CMTM4: variants seen among roughly 807,000 people sequenced by gnomAD.
CMTM4 encodes CKLF-like MARVEL transmembrane domain-containing protein 4.
A neutral mutation model predicts 19.0 loss-of-function variants in CMTM4; 8 were observed. That is an observed-to-expected ratio of 0.42 (90% CI 0.25 to 0.76). The LOEUF (loss-of-function observed/expected upper bound fraction) is 0.76, where lower values mean the gene tolerates loss of function less well. CMTM4 is among the 30% of genes least tolerant of loss of function. The probability of loss-of-function intolerance (pLI) is 0.27; values close to 1 mark genes in which losing one functional copy is unlikely to be tolerated. For synonymous variants in CMTM4, 106 were observed against 121.1 expected, an observed-to-expected ratio of 0.88 and a Z score of 0.82; for missense variants, 228 against 290.2, an observed-to-expected ratio of 0.79 and a Z score of 1.56.
intron 1 of CMTM4, among the ~76,000 whole-genome samples, chr16:66,658,992 G>A (rs1252799853): frequency 6.6e-6 from 1 of 152,136 alleles, no homozygotes; most frequent in Non-Finnish European, 1.5e-5. Context: ...ACCTGAGACA[G>A]CTTCTTTTCA....
intron 1 of CMTM4, among the ~76,000 whole-genome samples, chr16:66,679,132 A>G (rs545604551): frequency 2.1e-3 from 325 of 152,046 alleles, no homozygotes; most frequent in Non-Finnish European, 3.5e-3. Context: ...TAATATCTAC[A>G]AACAAGTTAA....
intron 1 of CMTM4, among the ~76,000 whole-genome samples, chr16:66,695,264 T>G (rs2017210837): frequency 6.6e-6 from 1 of 152,138 alleles, no homozygotes; most frequent in African/African-American, 2.4e-5. Context: ...AGAAGATCGC[T>G]TGAGCCTGGG....
intron 1 of CMTM4, among the ~76,000 whole-genome samples, chr16:66,658,088 GA>G (rs2016430678): frequency 6.6e-6 from 1 of 152,086 alleles, no homozygotes; most frequent in East Asian, 1.9e-4. Flanking sequence ...AAATTAGCTG[GA>G]CGTTGTGATA....
intron 1 of CMTM4, among the ~76,000 whole-genome samples, chr16:66,676,709 T>C (rs2016816676): frequency 1.3e-5 from 2 of 152,172 alleles, no homozygotes; most frequent in Non-Finnish European, 2.9e-5. Context: ...TGTGACTTGT[T>C]CCAAACTTCC....
At chr16:66,669,223 T>C (rs1010377157) in intron 1 of CMTM4, among the ~76,000 whole-genome samples, 2 of 152,172 alleles carry the variant, frequency 1.3e-5, no homozygotes, top group African/African-American at 4.8e-5. Context: ...AAAGACAGTC[T>C]TAAAAGTACA....
intron 1 of CMTM4, among the ~76,000 whole-genome samples, chr16:66,685,771 G>A (rs757022243): frequency 2.6e-5 from 4 of 152,160 alleles, no homozygotes; most frequent in Non-Finnish European, 4.4e-5. Context: ...AGCCTCCTGA[G>A]TTGCTGGGAC....
intron 1 of CMTM4, among the ~76,000 whole-genome samples, chr16:66,670,967 G>A (rs572968149): frequency 6.6e-6 from 1 of 152,256 alleles, no homozygotes; most frequent in South Asian, 2.1e-4. Flanking sequence ...TCTAGCTGAG[G>A]AGAACACCAG....
chr16:66,618,827 C>T lies in CMTM4; in HGVS notation c.*3231G>A, dbSNP rs1490155820. 3.0e-6 allele frequency: 3 copies of T among 985,400 alleles called. No homozygotes were observed. Among genetic ancestry groups the T allele is most frequent in the Non-Finnish European group, 3.6e-6 (3 of 829,974 alleles). The allele number at this position is 985,400 out of a possible 1,614,324, so 61.0% of individuals were successfully genotyped here. The stretch of plus-strand genomic sequence containing the variant: ...GAGGTCAGACACATTCCCTGGCTGC[C>T]CACAGGCGTGAGCCTTCCTGCCAGG... On this transcript the variant is annotated 3_prime_UTR_variant, in exon 4 of 4. Coordinates refer to ENST00000394106, the MANE Select transcript of CMTM4 (RefSeq NM_181521.3).
the CMTM4 span, chr16:66,609,464 CATCTACTTTGCT>C: frequency 6.2e-7 from 1 of 1,613,046 alleles, no homozygotes; most frequent in African/African-American, 1.3e-5. This position sits in a 1 kb window ranked among gnomAD's most constrained non-coding sequence, Gnocchi z 4.4. Context: ...CCGCGGCCCT[CATCTACTTTGCT>C]ATCTCCATCA....
intron 1 of CMTM4, among the ~76,000 whole-genome samples, chr16:66,688,345 T>C (rs2017073631): frequency 6.6e-6 from 1 of 152,192 alleles, no homozygotes; most frequent in Non-Finnish European, 1.5e-5. Flanking sequence ...CTTGAGACGC[T>C]GAGCTAGGGA....
chr16:66,651,336 A>G (rs1228229492), intron 1 of CMTM4, among the ~76,000 whole-genome samples: 1 of 152,186 alleles, frequency 6.6e-6, no homozygotes, highest in African/African-American at 2.4e-5. Context: ...ATAAGTTCCC[A>G]GGCCAGAAGC....
At chr16:66,695,126 C>G (rs886149149) in intron 1 of CMTM4, among the ~76,000 whole-genome samples, 3 of 152,126 alleles carry the variant, frequency 2.0e-5, no homozygotes, top group Non-Finnish European at 4.4e-5. Context: ...GAGGGGTGAT[C>G]GCTTGAGCCC....
At chr16:66,675,924 C>T (rs573910718) in intron 1 of CMTM4, among the ~76,000 whole-genome samples, 5 of 151,954 alleles carry the variant, frequency 3.3e-5, no homozygotes, top group East Asian at 3.9e-4. Context: ...TGCAGTGGTG[C>T]GATCATAGCT....
intron 1 of CMTM4, among the ~76,000 whole-genome samples, chr16:66,655,069 C>CG (rs1317255717): frequency 1.3e-5 from 2 of 152,060 alleles, no homozygotes; most frequent in Non-Finnish European, 2.9e-5. Flanking sequence ...CTACAACCTC[C>CG]GCCACCCAGG....
chr16:66,617,286 T>G lies in CMTM4; in HGVS notation c.*4772A>C, dbSNP rs537288410. The G allele has an allele frequency of 6.2e-7, 1 of 1,614,120 alleles. No homozygotes were observed. Among genetic ancestry groups the G allele is most frequent in the South Asian group, 1.1e-5 (1 of 91,078 alleles). ...CATCATCTGAACTTTTCTAGGCAAG[T>G]TGCCAGTGATTCAAACTCAGCAGGT... is the stretch of plus-strand genomic sequence containing the variant. On this transcript the variant is annotated 3_prime_UTR_variant, in exon 4 of 4. Coordinates refer to ENST00000394106, the MANE Select transcript of CMTM4 (RefSeq NM_181521.3).
chr16:66,612,015 C>A (rs1184106436), downstream of CMTM4, among the ~76,000 whole-genome samples: 2 of 152,250 alleles, frequency 1.3e-5, no homozygotes, highest in South Asian at 2.1e-4. The surrounding 1 kb of genome is among the most constrained non-coding windows in gnomAD (Gnocchi z 6.0). Flanking sequence ...CTGAGAAAAG[C>A]CCAGGGAGAC....
At chr16:66,602,792 C>T in the CMTM4 span, among the ~76,000 whole-genome samples, 1 of 152,124 alleles carries the variant, frequency 6.6e-6, no homozygotes, top group Non-Finnish European at 1.5e-5. Context: ...GGTGATCTGC[C>T]TGCCTCAGCC....
At chr16:66,628,047 G>A (rs140752036) in intron 2 of CMTM4, among the ~76,000 whole-genome samples, 102 of 152,344 alleles carry the variant, frequency 6.7e-4, no homozygotes, top group Non-Finnish European at 2.5e-4. Context: ...ATGTCTGGAT[G>A]TGCACGTAGG....
chr16:66,663,680 T>C (rs1241485276), intron 1 of CMTM4, among the ~76,000 whole-genome samples: 1 of 151,442 alleles, frequency 6.6e-6, no homozygotes, highest in East Asian at 2.0e-4. Flanking sequence ...GTAGCTGGGA[T>C]TACAGGCAAG....
Sources: allele counts gnomAD v4.1 joint callset (sites outside exome capture counted in the v4.1 genomes callset), GRCh38; gene constraint gnomAD v4.1.1; non-coding constraint Gnocchi (gnomAD v3.1); transcripts MANE v1.5; gene names NCBI Gene and HGNC (gene_info 2026-07-23, HGNC 2026-07-21).